FGF18: variants seen among roughly 807,000 people sequenced by gnomAD.
FGF18 encodes fibroblast growth factor 18.
FGF18 carries 5 observed loss-of-function variants against 23.0 expected under a neutral mutation model. That is an observed-to-expected ratio of 0.22 (90% CI 0.11 to 0.46). The LOEUF (loss-of-function observed/expected upper bound fraction) is 0.46. Ranked by LOEUF, FGF18 falls within the 20% of genes least tolerant of loss-of-function variation. FGF18 has a pLI of 0.99. For missense variants in FGF18, 180 were observed against 291.6 expected (o/e 0.62, Z 2.79); for synonymous variants, 117 against 118.9 (o/e 0.98, Z 0.10).
rs1043233161 is a variant in FGF18 at position 171,434,789 on chromosome 5, A to G, written c.70-1304A>G. On this transcript the variant is annotated intron_variant, in intron 2 of 4. Transcript: ENST00000274625. This position sits in a 1 kb window ranked among gnomAD's most constrained non-coding sequence, Gnocchi z 4.6. ...GCGGATATAGTGGCAAATGAGAGACACTGCTCCAGCTTTCTCTCCCTTTTT... is the reference window on the plus strand; with the variant it reads ...GCGGATATAGTGGCAAATGAGAGACGCTGCTCCAGCTTTCTCTCCCTTTTT... Among the ~76,000 whole-genome samples the G allele has an allele frequency of 9.3e-5, 14 of 149,828 alleles. No individual in the cohort carries two copies. The highest frequency in any genetic ancestry group is 3.4e-4 in the African/African-American group (14 of 40,764).
At chr5:171,449,299 G>T (rs1451929693) in intron 4 of FGF18, 46 bp downstream of exon 4, 1 of 1,368,048 alleles carries the variant, frequency 7.3e-7, no homozygotes, top group Admixed American at 1.7e-5. Flanking sequence ...TTCCCCTCTG[G>T]CAGCTCTGGG....
rs940816092 is a variant in FGF18 at position 171,436,987 on chromosome 5, A to T, written c.250+714A>T. Reference sequence around the variant, plus strand: ...CCTCTGGCCTAGACAGACACTGAGCAAATACCACGCAGATTATTTATTTAA... The same window carrying T: ...CCTCTGGCCTAGACAGACACTGAGCTAATACCACGCAGATTATTTATTTAA... On this transcript the variant is annotated intron_variant, in intron 3 of 4. Coordinates refer to ENST00000274625, the MANE Select transcript of FGF18 (RefSeq NM_003862.3). The surrounding 1 kb of genome is among the most constrained non-coding windows in gnomAD (Gnocchi z 4.4). Among the ~76,000 whole-genome samples the T allele has an allele frequency of 2.6e-5, 4 of 152,368 alleles. No individual in the cohort carries two copies. In the East Asian group the frequency reaches 5.8e-4, roughly 22 times the overall value.
At chr5:171,430,582 A>T (rs1772166251) in intron 2 of FGF18, among the ~76,000 whole-genome samples, 1 of 143,372 alleles carries the variant, frequency 7.0e-6, no homozygotes, top group African/African-American at 2.9e-5. Flanking sequence ...AGGTCAGGAG[A>T]TCGAGACCAT....
At chr5:171,431,324 G>T (rs1313021025) in intron 2 of FGF18, among the ~76,000 whole-genome samples, 1 of 152,178 alleles carries the variant, frequency 6.6e-6, no homozygotes, top group Non-Finnish European at 1.5e-5. Context: ...CTTGGCTGTT[G>T]TCCTGGGTAA....
chr5:171,441,079 A>G (rs983183303), intron 3 of FGF18, among the ~76,000 whole-genome samples: 6 of 152,196 alleles, frequency 3.9e-5, no homozygotes, highest in Non-Finnish European at 5.9e-5. Flanking sequence ...AGTGGCTCAC[A>G]CAGGGAGGAA....
chr5:171,446,370 G>A (rs1296840609), intron 3 of FGF18, among the ~76,000 whole-genome samples: 1 of 152,138 alleles, frequency 6.6e-6, no homozygotes, highest in East Asian at 1.9e-4. Flanking sequence ...CAGACCTGGG[G>A]GCCTCTCCCC....
At chr5:171,420,534 C>G in intron 2 of FGF18, 91 bp downstream of exon 2, 2 of 1,287,630 alleles carry the variant, frequency 1.6e-6, no homozygotes, top group Non-Finnish European at 2.2e-6. Flanking sequence ...TCCCTGTGCC[C>G]CACCCCTCCT....
Position 171,420,120 on chromosome 5 carries a change from G to GCGGCCT in FGF18, c.-77_-76insCCTCGG. The GCGGCCT allele has an allele frequency of 8.2e-7, 1 of 1,225,706 alleles. No individual in the cohort carries two copies. The highest frequency in any genetic ancestry group is 1.0e-6 in the Non-Finnish European group (1 of 966,468). 75.9% of individuals were successfully genotyped at this position (1,225,706 alleles called of 1,614,324 possible). ...AGCGGCGGCGGCGGCGGCGGCGGCGGCGGAGGCGCCCGGTCCCGGCCGCGC... is the reference window on the plus strand; with the variant it reads ...AGCGGCGGCGGCGGCGGCGGCGGCGGCGGCCTCGGAGGCGCCCGGTCCCGGCCGCGC... On this transcript the variant is annotated 5_prime_UTR_variant, in exon 1 of 5. Transcript: ENST00000274625.
chr5:171,433,201 G>A (rs553691208), intron 2 of FGF18, among the ~76,000 whole-genome samples: 4 of 152,162 alleles, frequency 2.6e-5, no homozygotes, highest in East Asian at 1.9e-4. Flanking sequence ...GTTCCCTCCC[G>A]CATCCTGGGG....
At chr5:171,435,653 G>A (rs372797069) in intron 2 of FGF18, among the ~76,000 whole-genome samples, 1 of 152,162 alleles carries the variant, frequency 6.6e-6, no homozygotes, top group Admixed American at 6.5e-5. Flanking sequence ...TGGACCCAGC[G>A]TTCCATCCCC....
Position 171,451,492 on chromosome 5 carries a change from G to A in FGF18, c.357+2239G>A, listed in dbSNP as rs974704719. Among the ~76,000 whole-genome samples, 1 of 152,144 alleles carries A rather than the reference G, an allele frequency of 6.6e-6. No individual in the cohort carries two copies. The highest frequency in any genetic ancestry group is 2.1e-4 in the South Asian group (1 of 4,834). On this transcript the variant is annotated intron_variant, in intron 4 of 4. Coordinates refer to ENST00000274625, the MANE Select transcript of FGF18 (RefSeq NM_003862.3). The surrounding 1 kb of genome is among the most constrained non-coding windows in gnomAD (Gnocchi z 4.5). ...CCCTCCTGCCCTAACCCCTGCCACC[G>A]CCTCTGTTCTGGCCTCCTACCATCC...
rs544759034 is a variant in FGF18, at chr5:171,427,238, T to C, written c.69+6795T>C. 7.7e-4 allele frequency among the ~76,000 whole-genome samples: 117 copies of C among 151,976 alleles called. 1 individual carries two copies. Among genetic ancestry groups the C allele is most frequent in the Non-Finnish European group, 8.1e-4 (55 of 67,962 alleles). On this transcript the variant is annotated intron_variant, in intron 2 of 4. Coordinates refer to ENST00000274625, the MANE Select transcript of FGF18 (RefSeq NM_003862.3). The stretch of plus-strand genomic sequence containing the variant: ...AAAAAAAAAGAGAAATACCTACTTC[T>C]TAAGGGTTATTGTGAGAACTAAGTG...
chr5:171,444,398 A>G (rs927261481), intron 3 of FGF18, among the ~76,000 whole-genome samples: 5 of 152,234 alleles, frequency 3.3e-5, no homozygotes, highest in African/African-American at 1.2e-4. Flanking sequence ...GATAATAACA[A>G]TAGTTCTAAC....
intron 2 of FGF18, among the ~76,000 whole-genome samples, chr5:171,435,244 C>T (rs1232511941): frequency 7.2e-5 from 11 of 152,030 alleles, no homozygotes; most frequent in Non-Finnish European, 1.2e-4. Flanking sequence ...TGGGAAGCCC[C>T]GGAGAGTGTG....
chr5:171,457,156 A>T lies in FGF18; in HGVS notation c.*351A>T. The T allele has an allele frequency of 5.6e-6, 1 of 180,112 alleles. No homozygotes were observed. Among genetic ancestry groups the T allele is most frequent in the South Asian group, 1.8e-4 (1 of 5,494 alleles). 11.2% of individuals were successfully genotyped at this position (180,112 alleles called of 1,614,324 possible). A position where few individuals can be genotyped will look rare whatever the true frequency, so the allele number is the denominator to read the frequency against. ...AGTCCTTTTTCCCAAAGGTTCTGAA[A>T]GGAAAAAAAAAAAAAACAAAAAAAA... is the stretch of plus-strand genomic sequence containing the variant. On this transcript the variant is annotated 3_prime_UTR_variant, in exon 5 of 5. Coordinates refer to ENST00000274625, the MANE Select transcript of FGF18 (RefSeq NM_003862.3).
intron 4 of FGF18, among the ~76,000 whole-genome samples, chr5:171,454,392 A>G (rs1218200274): frequency 6.6e-6 from 1 of 152,106 alleles, no homozygotes; most frequent in African/African-American, 2.4e-5. Flanking sequence ...AGAATTTTCC[A>G]TGGGGTACCC....
At chr5:171,429,117 G>A (rs1235292496) in intron 2 of FGF18, among the ~76,000 whole-genome samples, 3 of 152,188 alleles carry the variant, frequency 2.0e-5, no homozygotes, top group Non-Finnish European at 2.9e-5. Context: ...CCAGAAGCCC[G>A]GGGTTGAGGA....
intron 2 of FGF18, among the ~76,000 whole-genome samples, chr5:171,424,513 T>C (rs7700980): frequency 0.021 from 3,250 of 152,344 alleles, 121 homozygotes; most frequent in African/African-American, 0.075. Context: ...AGACCCAAGA[T>C]GCTGGATTCA....
chr5:171,431,270 G>A (rs1772178495), intron 2 of FGF18, among the ~76,000 whole-genome samples: 1 of 152,200 alleles, frequency 6.6e-6, no homozygotes, highest in African/African-American at 2.4e-5. Flanking sequence ...GTGCCTAAGA[G>A]GGGAAGCTTG....
Sources: gnomAD v4.1 joint callset for allele counts (sites outside exome capture counted in the v4.1 genomes callset) on GRCh38, gnomAD v4.1.1 for gene constraint, Gnocchi (gnomAD v3.1) non-coding constraint, MANE v1.5 for transcripts, NCBI Gene and HGNC (gene_info 2026-07-23, HGNC 2026-07-21) for gene names.